The following ZNF75D variants were observed in gnomAD, a reference collection of about 807,000 sequenced individuals.
The protein encoded by ZNF75D is zinc finger protein 75D.
Under a neutral mutation model 33.3 loss-of-function variants are expected in ZNF75D, and 33 were observed. The observed-to-expected ratio is 0.99, with a 90% CI of 0.75 to 1.32. ZNF75D has a LOEUF of 1.32. ZNF75D is among the 40% of genes most tolerant of loss of function. The probability of loss-of-function intolerance (pLI) is 0.00; values close to 1 mark genes in which losing one functional copy is unlikely to be tolerated. For synonymous variants in ZNF75D, 113 were observed against 130.6 expected (o/e 0.87, Z 0.92); for missense variants, 338 against 367.5 (o/e 0.92, Z 0.66).
chrX:135,270,352 C>CATATATATAT lies in ZNF75D; in HGVS notation n.828-14585_828-14576dup, dbSNP rs530211370. On this transcript the variant is annotated intron_variant and non_coding_transcript_variant, in intron 1 of 3. Coordinates refer to the ZNF75D transcript ENST00000494295. ...ATTGCAGGCCTCTACCAAAATATCT[C>CATATATATAT]ATATATATATATATATATATATATA... Among the ~76,000 whole-genome samples, 327 of 63,433 alleles carry CATATATATAT rather than the reference C, an allele frequency of 5.2e-3. 1 individual carries two copies. The highest frequency in any genetic ancestry group is 7.1e-3 in the Non-Finnish European group (228 of 32,277). The allele number at this position is 63,433 out of a possible 115,157, so 55.1% of individuals were successfully genotyped here.
At chrX:135,338,971 CCTT>C (rs1356566216) in intron 1 of ZNF75D, among the ~76,000 whole-genome samples, 1 of 105,376 alleles carries the variant, frequency 9.5e-6, no homozygotes, top group African/African-American at 3.5e-5. Flanking sequence ...TTGCTTTTCT[CCTT>C]CTTGTCCTCC....
intron 1 of ZNF75D, among the ~76,000 whole-genome samples, chrX:135,316,497 G>A (rs1556431773): frequency 9.0e-6 from 1 of 111,495 alleles, no homozygotes; most frequent in Admixed American, 9.5e-5. Context: ...TGCATTGTAT[G>A]TTTGAGGATC....
intron 1 of ZNF75D, among the ~76,000 whole-genome samples, chrX:135,340,174 A>G (rs1307738330): frequency 8.9e-5 from 10 of 112,257 alleles, no homozygotes; most frequent in African/African-American, 3.2e-4. Flanking sequence ...GCTTTTTTCT[A>G]TGAGGATTTT....
chrX:135,336,946 T>C (rs782085937), intron 1 of ZNF75D, among the ~76,000 whole-genome samples: 2 of 111,726 alleles, frequency 1.8e-5, no homozygotes, highest in East Asian at 5.6e-4. Flanking sequence ...AAAGAAGTCC[T>C]TGAAGTTCTT....
chrX:135,302,141 T>C (rs1371367283), intron 1 of ZNF75D, among the ~76,000 whole-genome samples: 1 of 112,222 alleles, frequency 8.9e-6, no homozygotes, highest in African/African-American at 3.2e-5. Context: ...AGCGGGGATA[T>C]GTGCATGTGT....
intron 1 of ZNF75D, among the ~76,000 whole-genome samples, chrX:135,325,703 C>T (rs905261237): frequency 8.8e-6 from 1 of 113,019 alleles, no homozygotes; most frequent in Admixed American, 9.2e-5. Flanking sequence ...GGGCAGGGCT[C>T]GAGACCTGCA....
intron 1 of ZNF75D, among the ~76,000 whole-genome samples, chrX:135,300,122 T>C (rs1263020792): frequency 2.7e-5 from 3 of 112,297 alleles, no homozygotes; most frequent in African/African-American, 9.7e-5. Context: ...ATATGAATTT[T>C]AGGATAAACA....
chrX:135,249,318 A>C (rs1556413443), intron 3 of ZNF75D: 1 of 258,700 alleles, frequency 3.9e-6, no homozygotes, highest in Non-Finnish European at 7.3e-6. Flanking sequence ...AAGTTGATAG[A>C]ATCTAGAATT....
intron 1 of ZNF75D, among the ~76,000 whole-genome samples, chrX:135,337,011 G>A (rs1257501249): frequency 8.9e-6 from 1 of 111,978 alleles, no homozygotes; most frequent in African/African-American, 3.3e-5. Flanking sequence ...CTAGGTGTGT[G>A]TTATCTGTAG....
At chrX:135,325,703 C>G (rs905261237) in intron 1 of ZNF75D, among the ~76,000 whole-genome samples, 2 of 113,019 alleles carry the variant, frequency 1.8e-5, no homozygotes, top group Non-Finnish European at 3.8e-5. Context: ...GGGCAGGGCT[C>G]GAGACCTGCA....
intron 1 of ZNF75D, among the ~76,000 whole-genome samples, chrX:135,263,733 T>A (rs782353436): frequency 2.1e-4 from 24 of 112,532 alleles, no homozygotes; most frequent in Non-Finnish European, 4.1e-4. Flanking sequence ...CAGCTTCCCT[T>A]GGCTAGGAAA....
intron 1 of ZNF75D, among the ~76,000 whole-genome samples, chrX:135,304,646 C>T (rs17283948): frequency 0.015 from 1,733 of 112,277 alleles, 27 homozygotes; most frequent in Non-Finnish European, 0.024. Context: ...GTTCCTTCGA[C>T]GGCTAACCAT....
chrX:135,327,202 A>G (rs1254924574), intron 1 of ZNF75D, among the ~76,000 whole-genome samples: 2 of 111,754 alleles, frequency 1.8e-5, no homozygotes, highest in Admixed American at 9.4e-5. Flanking sequence ...TCCCCACCCT[A>G]CCATTATACA....
chrX:135,321,219 G>A (rs781878771), intron 1 of ZNF75D, among the ~76,000 whole-genome samples: 1 of 111,334 alleles, frequency 9.0e-6, no homozygotes, highest in South Asian at 3.8e-4. Flanking sequence ...ATCCATCCAT[G>A]CATCCATGAA....
chrX:135,263,596 G>C (rs1436995664), intron 1 of ZNF75D, among the ~76,000 whole-genome samples: 1 of 112,918 alleles, frequency 8.9e-6, no homozygotes, highest in African/African-American at 3.2e-5. Context: ...AGTAAGCAAG[G>C]CTCCGTGGGT....
rs1556421281 is a variant in ZNF75D at position 135,291,583 on chromosome X, AG to A, written c.605-21del. On this transcript the variant is annotated intron_variant, in intron 4 of 6. Transcript: ENST00000370766. Reference sequence around the variant, plus strand: ...GCACAGCTGTGGGTAGAAAATAGCCAGGGAAAATTTCTGTTTCCTATTTACA... The same window carrying A: ...GCACAGCTGTGGGTAGAAAATAGCCAGGAAAATTTCTGTTTCCTATTTACA... 8.3e-7 allele frequency: 1 copy of A among 1,203,308 alleles called. No homozygotes were observed. The highest frequency in any genetic ancestry group is 1.8e-5 in the South Asian group (1 of 55,273).
chrX:135,302,685 A>AT (rs1461885637), intron 1 of ZNF75D, among the ~76,000 whole-genome samples: 2 of 111,886 alleles, frequency 1.8e-5, no homozygotes, highest in African/African-American at 6.5e-5. Context: ...GGGAAGGAGT[A>AT]TAATGTGATA....
chrX:135,318,993 C>G (rs782447078), intron 1 of ZNF75D, among the ~76,000 whole-genome samples: 1 of 111,749 alleles, frequency 8.9e-6, no homozygotes, highest in African/African-American at 3.3e-5. Context: ...CCAACAGACT[C>G]CTTTTCTCTG....
At chrX:135,319,379 A>G (rs1200107168) in intron 1 of ZNF75D, among the ~76,000 whole-genome samples, 1 of 112,219 alleles carries the variant, frequency 8.9e-6, no homozygotes, top group African/African-American at 3.2e-5. Context: ...AAGCATTATC[A>G]AAGAAGTGTG....
Sources: gnomAD v4.1 joint callset for allele counts (sites outside exome capture counted in the v4.1 genomes callset) on GRCh38, gnomAD v4.1.1 for gene constraint, MANE v1.5 for transcripts, NCBI Gene and HGNC (gene_info 2026-07-23, HGNC 2026-07-21) for gene names.